Variants in KLHL32 observed in about 807,000 individuals in gnomAD.
KLHL32 encodes the protein kelch like family member 32.
Under a neutral mutation model 64.8 loss-of-function variants are expected in KLHL32, and 35 were observed. The observed-to-expected ratio is 0.54, with a 90% CI of 0.41 to 0.72. The LOEUF (loss-of-function observed/expected upper bound fraction) is 0.72, where lower values mean the gene tolerates loss of function less well. Ranked by LOEUF, KLHL32 falls within the 30% of genes least tolerant of loss-of-function variation. The pLI, the probability that KLHL32 is intolerant of heterozygous loss-of-function variation, is 0.00. For missense variants in KLHL32, 589 were observed against 768.5 expected, an observed-to-expected ratio of 0.77 and a Z score of 2.76; for synonymous variants, 259 against 281.0, an observed-to-expected ratio of 0.92 and a Z score of 0.78.
intron 1 of KLHL32, among the ~76,000 whole-genome samples, chr6:96,947,805 G>A (rs1300176722): frequency 2.0e-5 from 3 of 152,244 alleles, no homozygotes; most frequent in East Asian, 3.9e-4. Flanking sequence ...AAGAAACTGA[G>A]GCAGAGAGGA....
intron 1 of KLHL32, among the ~76,000 whole-genome samples, chr6:96,931,204 A>G (rs934662018): frequency 2.0e-5 from 3 of 152,076 alleles, no homozygotes; most frequent in African/African-American, 7.3e-5. Flanking sequence ...AGTTAAATCT[A>G]TGTTTTTTTC....
chr6:97,112,753 T>C (rs964446242), intron 6 of KLHL32, among the ~76,000 whole-genome samples: 2 of 150,994 alleles, frequency 1.3e-5, no homozygotes, highest in Admixed American at 6.6e-5. Flanking sequence ...CCCTGATGAA[T>C]TTTTTTAATT....
intron 10 of KLHL32, among the ~76,000 whole-genome samples, chr6:97,137,495 A>T (rs1463047311): frequency 6.6e-6 from 1 of 152,066 alleles, no homozygotes; most frequent in Non-Finnish European, 1.5e-5. Flanking sequence ...CCCAAATTTC[A>T]AGGGCCCATT....
At chr6:96,999,331 G>A (rs1338871723) in intron 3 of KLHL32, among the ~76,000 whole-genome samples, 1 of 152,162 alleles carries the variant, frequency 6.6e-6, no homozygotes, top group African/African-American at 2.4e-5. Flanking sequence ...GGGAAGTCGA[G>A]GCTGCAGTGA....
chr6:96,923,740 G>GTT (rs1351088048), upstream of KLHL32, among the ~76,000 whole-genome samples: 2 of 152,228 alleles, frequency 1.3e-5, no homozygotes, highest in African/African-American at 4.8e-5. Flanking sequence ...TATCTTTGCA[G>GTT]TAAGTTAAAT....
chr6:97,050,722 GCT>G (rs1315171291), intron 4 of KLHL32, among the ~76,000 whole-genome samples: 13 of 152,206 alleles, frequency 8.5e-5, no homozygotes, highest in Non-Finnish European at 1.5e-5. Flanking sequence ...CACAATGTGG[GCT>G]GGACGCAGTG....
intron 7 of KLHL32, among the ~76,000 whole-genome samples, chr6:97,124,373 A>G (rs1384856094): frequency 6.6e-6 from 1 of 152,212 alleles, no homozygotes; most frequent in Non-Finnish European, 1.5e-5. Flanking sequence ...ATTTGTATGT[A>G]AGGGTAAAGA....
rs1800522357 is a variant in KLHL32, at chr6:97,140,117, G to GAAAC, written c.*837_*840dup. The GAAAC allele has an allele frequency of 6.6e-6, 1 of 152,038 alleles. No homozygotes were observed. Among genetic ancestry groups the GAAAC allele is most frequent in the African/African-American group, 2.4e-5 (1 of 41,430 alleles). 9.4% of individuals were successfully genotyped at this position (152,038 alleles called of 1,614,324 possible). ...TTTAAAAATTACTAGATAGAATTTG[G>GAAAC]AAACATGTTGTGGAATAAATGATTC... On this transcript the variant is annotated 3_prime_UTR_variant, in exon 11 of 11. Transcript: ENST00000369261.
In KLHL32 at chr6:96,945,244, A is replaced by G. The variant is rs142840034; in HGVS notation, c.-66+20218A>G. On this transcript the variant is annotated intron_variant, in intron 1 of 10. Coordinates refer to ENST00000369261, the MANE Select transcript of KLHL32 (RefSeq NM_052904.4). ...CCTTTATGCTAATTGTGGATAGTGC[A>G]TGGCAGGGATAATGCTAACACTGTC... Among the ~76,000 whole-genome samples, 213 of 152,352 alleles carry G rather than the reference A, an allele frequency of 1.4e-3. 1 individual carries two copies. In the South Asian group the frequency reaches 0.019, roughly 14 times the overall value.
chr6:96,958,242 C>G (rs778256553), intron 1 of KLHL32, among the ~76,000 whole-genome samples: 1 of 152,158 alleles, frequency 6.6e-6, no homozygotes, highest in African/African-American at 2.4e-5. Flanking sequence ...GGGCAGTAGA[C>G]CCCCCACCCC....
At chr6:97,070,334 A>G (rs1226820677) in intron 5 of KLHL32, among the ~76,000 whole-genome samples, 1 of 152,220 alleles carries the variant, frequency 6.6e-6, no homozygotes, top group Non-Finnish European at 1.5e-5. Context: ...TATTTGTTCT[A>G]ATCAAGAGTA....
intron 1 of KLHL32, among the ~76,000 whole-genome samples, chr6:96,955,424 T>C (rs1217374982): frequency 6.6e-6 from 1 of 152,244 alleles, no homozygotes; most frequent in East Asian, 1.9e-4. Context: ...TCTCTTGTTC[T>C]CTTTGATCTT....
intron 3 of KLHL32, among the ~76,000 whole-genome samples, chr6:97,028,273 A>G (rs190505437): frequency 6.2e-4 from 94 of 152,218 alleles, no homozygotes; most frequent in African/African-American, 2.2e-3. Flanking sequence ...CAGGGACCAC[A>G]CCTTAAGTAG....
intron 4 of KLHL32, among the ~76,000 whole-genome samples, chr6:97,043,459 A>G (rs1327691181): frequency 6.6e-6 from 1 of 152,114 alleles, no homozygotes; most frequent in East Asian, 1.9e-4. Context: ...TTCTTTATTC[A>G]TCTGATGATG....
At chr6:96,907,932 C>T in the KLHL32 span, among the ~76,000 whole-genome samples, 1 of 152,198 alleles carries the variant, frequency 6.6e-6, no homozygotes, top group African/African-American at 2.4e-5. Context: ...TTTCCATCTT[C>T]TAACTCAGAA....
At chr6:96,975,704 G>A (rs1237481723) in intron 2 of KLHL32, among the ~76,000 whole-genome samples, 1 of 152,160 alleles carries the variant, frequency 6.6e-6, no homozygotes, top group African/African-American at 2.4e-5. Context: ...GAGGCTTGCA[G>A]GTCCAGACAC....
intron 4 of KLHL32, among the ~76,000 whole-genome samples, chr6:97,063,047 G>A (rs775412775): frequency 6.6e-6 from 1 of 152,152 alleles, no homozygotes; most frequent in Non-Finnish European, 1.5e-5. Context: ...TTATTTTCAT[G>A]GAGATGGAAA....
intron 3 of KLHL32, among the ~76,000 whole-genome samples, chr6:96,976,699 A>G (rs1424379995): frequency 6.6e-6 from 1 of 152,084 alleles, no homozygotes; most frequent in Non-Finnish European, 1.5e-5. Flanking sequence ...CCTGGGTTCA[A>G]GTGATTCTCC....
At chr6:97,040,486 G>A (rs1784952296) in intron 3 of KLHL32, among the ~76,000 whole-genome samples, 1 of 152,160 alleles carries the variant, frequency 6.6e-6, no homozygotes, top group African/African-American at 2.4e-5. Context: ...GTGGGCATGA[G>A]AGTCACCTGG....
Sources: gnomAD v4.1 joint callset for allele counts (sites outside exome capture counted in the v4.1 genomes callset) on GRCh38, gnomAD v4.1.1 for gene constraint, MANE v1.5 for transcripts, NCBI Gene and HGNC (gene_info 2026-07-23, HGNC 2026-07-21) for gene names.